The following MSRA variants were observed in gnomAD, a reference collection of about 807,000 sequenced individuals.
MSRA encodes the protein methionine sulfoxide reductase A.
A neutral mutation model predicts 31.3 loss-of-function variants in MSRA; 54 were observed. That is an observed-to-expected ratio of 1.73 (90% CI 1.39 to 2.17). MSRA has a LOEUF of 2.17. Among genes scored for constraint, MSRA ranks in the 30% most tolerant of loss-of-function variants. The pLI, the probability that MSRA is intolerant of heterozygous loss-of-function variation, is 0.00. For synonymous variants in MSRA, 169 were observed against 116.5 expected (o/e 1.45, Z -2.90); for missense variants, 507 against 300.9 (o/e 1.69, Z -5.07).
chr8:10,140,156 A>C (rs1802588589), intron 1 of MSRA, among the ~76,000 whole-genome samples: 1 of 152,164 alleles, frequency 6.6e-6, no homozygotes, highest in South Asian at 2.1e-4. Context: ...GGAGTGAGCT[A>C]ATGGTGATAA....
At chr8:10,305,526 G>A (rs559267919) in intron 4 of MSRA, among the ~76,000 whole-genome samples, 2 of 150,036 alleles carry the variant, frequency 1.3e-5, no homozygotes, top group Non-Finnish European at 2.9e-5. Context: ...TGATTCTCCT[G>A]CCTCAGCCTC....
intron 3 of MSRA, among the ~76,000 whole-genome samples, chr8:10,295,878 G>A (rs1281053913): frequency 6.6e-6 from 1 of 152,156 alleles, no homozygotes; most frequent in Admixed American, 6.5e-5. Flanking sequence ...ATGGGAAACG[G>A]CCTCTCCAGG....
chr8:10,292,346 C>T (rs1800283410), intron 3 of MSRA, among the ~76,000 whole-genome samples: 1 of 152,218 alleles, frequency 6.6e-6, no homozygotes, highest in Admixed American at 6.5e-5. Context: ...CATGCCCAGT[C>T]CTGGGGCCTA....
At chr8:10,098,004 A>G (rs976947612) in intron 1 of MSRA, among the ~76,000 whole-genome samples, 2 of 152,170 alleles carry the variant, frequency 1.3e-5, no homozygotes, top group Non-Finnish European at 2.9e-5. Flanking sequence ...TAAAACGGGT[A>G]TAATAGACAC....
chr8:10,336,580 T>C (rs1803059647), intron 5 of MSRA, among the ~76,000 whole-genome samples: 1 of 152,132 alleles, frequency 6.6e-6, no homozygotes, highest in Non-Finnish European at 1.5e-5. Context: ...AAAGAGACAA[T>C]ATTGGGCAAA....
At chr8:10,056,528 T>C (rs1027956073) in intron 1 of MSRA, among the ~76,000 whole-genome samples, 5 of 150,572 alleles carry the variant, frequency 3.3e-5, no homozygotes, top group African/African-American at 1.2e-4. Flanking sequence ...AGTAAACTTT[T>C]TTTTTTTTTT....
chr8:10,120,314 A>G (rs1801013615), intron 1 of MSRA, among the ~76,000 whole-genome samples: 2 of 152,140 alleles, frequency 1.3e-5, no homozygotes, highest in African/African-American at 2.4e-5. Context: ...TAGGAAGGAT[A>G]TGGGATTCTC....
chr8:10,409,424 G>C (rs1036574301), intron 5 of MSRA, among the ~76,000 whole-genome samples: 1 of 152,104 alleles, frequency 6.6e-6, no homozygotes, highest in Non-Finnish European at 1.5e-5. Context: ...CTTGTCACAC[G>C]GGGACATGGA....
intron 5 of MSRA, among the ~76,000 whole-genome samples, chr8:10,397,853 A>G (rs1431345794): frequency 1.3e-5 from 2 of 152,166 alleles, no homozygotes; most frequent in Non-Finnish European, 2.9e-5. Flanking sequence ...GTCATTCTAA[A>G]TTACCAAAAA....
chr8:10,311,669 T>C (rs1436132168), intron 4 of MSRA, among the ~76,000 whole-genome samples: 1 of 152,190 alleles, frequency 6.6e-6, no homozygotes, highest in Non-Finnish European at 1.5e-5. Context: ...TACCAGCGTT[T>C]TGGGAGGCCA....
chr8:10,165,514 A>G (rs1338600157), intron 1 of MSRA, among the ~76,000 whole-genome samples: 2 of 152,208 alleles, frequency 1.3e-5, no homozygotes, highest in African/African-American at 4.8e-5. Flanking sequence ...GGGGGCTAAG[A>G]CCAGGCTGGG....
chr8:10,175,138 C>G lies in MSRA; in HGVS notation c.143-32695C>G, dbSNP rs570065601. ...TGCACTCACCCTCCTCTACTATGGCCGTCCCGGTCACTTCACCATCTTGGA... is the reference window on the plus strand; with the variant it reads ...TGCACTCACCCTCCTCTACTATGGCGGTCCCGGTCACTTCACCATCTTGGA... On this transcript the variant is annotated intron_variant, in intron 1 of 5. Transcript: ENST00000317173. Among the ~76,000 whole-genome samples, 11 of 152,254 alleles carry G rather than the reference C, an allele frequency of 7.2e-5. No homozygotes were observed. In the East Asian group the frequency reaches 1.9e-3, roughly 27 times the overall value.
At chr8:10,410,944 C>T (rs1808118032) in intron 5 of MSRA, among the ~76,000 whole-genome samples, 1 of 152,144 alleles carries the variant, frequency 6.6e-6, no homozygotes, top group Admixed American at 6.5e-5. Context: ...ACACCTATGG[C>T]CTATTTTGAA....
chr8:10,420,925 A>C (rs983786339), intron 5 of MSRA, among the ~76,000 whole-genome samples: 15 of 150,858 alleles, frequency 9.9e-5, no homozygotes, highest in Admixed American at 9.9e-4. Flanking sequence ...TGAGCCTGAG[A>C]GGTCCAAGCT....
At chr8:10,115,695 T>G (rs1800625062) in intron 1 of MSRA, among the ~76,000 whole-genome samples, 1 of 152,074 alleles carries the variant, frequency 6.6e-6, no homozygotes, top group South Asian at 2.1e-4. Flanking sequence ...TTTCCATTCA[T>G]GATTAAGGAG....
chr8:10,066,527 T>TG (rs1443954194), intron 1 of MSRA, among the ~76,000 whole-genome samples: 1 of 152,166 alleles, frequency 6.6e-6, no homozygotes, highest in African/African-American at 2.4e-5. Flanking sequence ...CCAGTTCAGC[T>TG]GATATATCTG....
chr8:10,239,048 T>C (rs1038943550), intron 2 of MSRA, among the ~76,000 whole-genome samples: 2 of 151,710 alleles, frequency 1.3e-5, no homozygotes, highest in African/African-American at 2.4e-5. Context: ...CCAAGAAAAA[T>C]AGAAGAACCC....
chr8:10,110,912 A>G (rs577682051), intron 1 of MSRA, among the ~76,000 whole-genome samples: 27 of 152,324 alleles, frequency 1.8e-4, no homozygotes, highest in African/African-American at 6.0e-4. Context: ...GTTCAGTTAC[A>G]TGGTTTTTCT....
intron 3 of MSRA, among the ~76,000 whole-genome samples, chr8:10,295,077 G>C (rs1025447839): frequency 2.6e-5 from 4 of 152,194 alleles, no homozygotes; most frequent in Non-Finnish European, 5.9e-5. Context: ...CGGCAGGACA[G>C]ATCTAGAGAT....
Sources: allele counts gnomAD v4.1 joint callset (sites outside exome capture counted in the v4.1 genomes callset), GRCh38; gene constraint gnomAD v4.1.1; transcripts MANE v1.5; gene names NCBI Gene and HGNC (gene_info 2026-07-23, HGNC 2026-07-21).